The following DMGDH variants were observed in gnomAD, a reference collection of about 807,000 sequenced individuals.
DMGDH encodes dimethylglycine dehydrogenase, mitochondrial.
DMGDH carries 76 observed loss-of-function variants against 95.2 expected under a neutral mutation model. The ratio of observed to expected loss-of-function variants is 0.80; its 90% CI spans 0.66 to 0.97. DMGDH has a LOEUF of 0.97. Among genes scored for constraint, DMGDH ranks in the 50% least tolerant of loss-of-function variants. The probability of loss-of-function intolerance (pLI) is 0.00; values close to 1 mark genes in which losing one functional copy is unlikely to be tolerated. For synonymous variants in DMGDH, 345 were observed against 377.6 expected (o/e 0.91, Z 1.00); for missense variants, 987 against 1,055.0 (o/e 0.94, Z 0.89).
At chr5:79,061,755 T>TA (rs1260191129) in intron 2 of DMGDH, among the ~76,000 whole-genome samples, 1 of 151,906 alleles carries the variant, frequency 6.6e-6, no homozygotes, top group Non-Finnish European at 1.5e-5. Context: ...CCCCCATTTC[T>TA]AAAAAAATTA....
At chr5:79,025,260 G>A (rs937222607) in intron 13 of DMGDH, among the ~76,000 whole-genome samples, 3 of 152,196 alleles carry the variant, frequency 2.0e-5, no homozygotes, top group Non-Finnish European at 4.4e-5. Context: ...TAAAAGGCAG[G>A]AGAATGGAGA....
intron 14 of DMGDH, among the ~76,000 whole-genome samples, chr5:79,014,755 T>C (rs1166745292): frequency 3.3e-5 from 5 of 152,226 alleles, no homozygotes; most frequent in African/African-American, 1.2e-4. Context: ...TTCTTCATTT[T>C]ACAGATGAGA....
At chr5:79,064,147 G>C (rs562507238) in intron 1 of DMGDH, among the ~76,000 whole-genome samples, 4 of 152,212 alleles carry the variant, frequency 2.6e-5, no homozygotes, top group African/African-American at 9.6e-5. Context: ...GAGCCCAGGA[G>C]TTCAAGACAA....
At chr5:79,026,132 G>A (rs1753994153) in intron 13 of DMGDH, among the ~76,000 whole-genome samples, 1 of 152,114 alleles carries the variant, frequency 6.6e-6, no homozygotes, top group Non-Finnish European at 1.5e-5. Flanking sequence ...ATTTTGAAAA[G>A]TGTTACTCTA....
At chr5:79,004,196 C>A (rs1385882689) in intron 15 of DMGDH, among the ~76,000 whole-genome samples, 3 of 152,104 alleles carry the variant, frequency 2.0e-5, no homozygotes, top group African/African-American at 7.2e-5. Context: ...TCATATATAT[C>A]TGACAGGTGT....
chr5:79,003,854 G>A (rs565504178), intron 15 of DMGDH, among the ~76,000 whole-genome samples: 1 of 152,274 alleles, frequency 6.6e-6, no homozygotes, highest in African/African-American at 2.4e-5. Context: ...GGCTGAGGCA[G>A]GAGAATCACT....
intron 5 of DMGDH, among the ~76,000 whole-genome samples, chr5:79,046,968 G>A (rs139544520): frequency 9.7e-4 from 148 of 152,236 alleles, no homozygotes; most frequent in Middle Eastern, 3.4e-3. Context: ...TGAATACAAA[G>A]TGGAAATGTA....
chr5:79,062,044 A>C (rs1195675269), intron 2 of DMGDH, among the ~76,000 whole-genome samples: 1 of 152,168 alleles, frequency 6.6e-6, no homozygotes, highest in Non-Finnish European at 1.5e-5. Context: ...GAGAGGGTGT[A>C]AGCCCTCCCT....
chr5:79,066,355 G>A (rs181284284), intron 1 of DMGDH, among the ~76,000 whole-genome samples: 143 of 151,786 alleles, frequency 9.4e-4, no homozygotes, highest in Admixed American at 2.7e-3. Context: ...GCACGATCTC[G>A]GCTCACTGCA....
chr5:79,000,363 T>C (rs1272168086), intron 15 of DMGDH: 2 of 650,370 alleles, frequency 3.1e-6, no homozygotes, highest in African/African-American at 3.6e-5. Flanking sequence ...TCTCACAATA[T>C]ACTCTGTAGG....
chr5:79,013,311 C>A (rs1753677061), intron 14 of DMGDH, among the ~76,000 whole-genome samples: 1 of 152,158 alleles, frequency 6.6e-6, no homozygotes, highest in African/African-American at 2.4e-5. Flanking sequence ...CAAAAGTGAC[C>A]TTTATTCCCA....
At position 79,000,801 on chromosome 5, in the gene DMGDH, AC is replaced by A. The variant is rs142607896; in HGVS notation, c.2386-2505del. The A allele has an allele frequency of 3.4e-3, 2,154 of 635,566 alleles. 38 individuals are homozygous for A. In the African/African-American group the frequency reaches 0.035, roughly 10 times the overall value. The allele number at this position is 635,566 out of a possible 1,614,324, so 39.4% of individuals were successfully genotyped here. On this transcript the variant is annotated intron_variant, in intron 15 of 15. Coordinates refer to ENST00000255189, the MANE Select transcript of DMGDH (RefSeq NM_013391.3). Reference sequence around the variant, plus strand: ...GAAACTTAGCCTGGATCCCAGGGACACAAAGCAGGTACTCTCACCGAACCAG... The same window carrying A: ...GAAACTTAGCCTGGATCCCAGGGACAAAAGCAGGTACTCTCACCGAACCAG...
At chr5:79,023,078 G>A (rs901333898) in intron 14 of DMGDH, among the ~76,000 whole-genome samples, 5 of 152,054 alleles carry the variant, frequency 3.3e-5, no homozygotes, top group Non-Finnish European at 2.9e-5. Context: ...TAGGAGGTTC[G>A]TTTTCCTAAA....
At chr5:79,024,419 C>T (rs1311702589) in intron 13 of DMGDH, 89 bp from the exon 14 acceptor site, 7 of 1,267,888 alleles carry the variant, frequency 5.5e-6, no homozygotes, top group African/African-American at 1.5e-5. Flanking sequence ...GAGAAAGAAC[C>T]CTTTTTGATT....
At chr5:79,039,259 G>A (rs1288626626) in intron 7 of DMGDH, among the ~76,000 whole-genome samples, 7 of 152,064 alleles carry the variant, frequency 4.6e-5, no homozygotes, top group East Asian at 1.9e-4. Flanking sequence ...ACATGCACAC[G>A]TATGTTTATT....
chr5:79,055,558 T>C (rs896817982), intron 3 of DMGDH, among the ~76,000 whole-genome samples: 2 of 152,254 alleles, frequency 1.3e-5, no homozygotes, highest in Non-Finnish European at 2.9e-5. Context: ...AAAGATACTT[T>C]TGAAAGCTGC....
At chr5:79,026,314 T>A in intron 13 of DMGDH, 110 bp downstream of exon 13, 2 of 1,358,626 alleles carry the variant, frequency 1.5e-6, no homozygotes, top group Non-Finnish European at 2.1e-6. Flanking sequence ...TCTAATGATA[T>A]GTAATTTCTC....
intron 14 of DMGDH, among the ~76,000 whole-genome samples, chr5:79,016,951 C>A (rs1026010893): frequency 4.6e-5 from 7 of 152,188 alleles, no homozygotes; most frequent in South Asian, 2.1e-4. Flanking sequence ...AATATATAGT[C>A]TTTTCAACAA....
intron 2 of DMGDH, among the ~76,000 whole-genome samples, chr5:79,056,404 G>T (rs113503479): frequency 6.6e-6 from 1 of 151,760 alleles, no homozygotes; most frequent in Non-Finnish European, 1.5e-5. Flanking sequence ...TTAGCTGGGC[G>T]TGGTGGCGGG....
Sources: gnomAD v4.1 joint callset for allele counts (sites outside exome capture counted in the v4.1 genomes callset) on GRCh38, gnomAD v4.1.1 for gene constraint, MANE v1.5 for transcripts, NCBI Gene and HGNC (gene_info 2026-07-23, HGNC 2026-07-21) for gene names.